Variants in VPS13B observed in about 807,000 individuals in gnomAD.
The protein encoded by VPS13B is vacuolar protein sorting 13 homolog B.
Under a neutral mutation model 426.4 loss-of-function variants are expected in VPS13B, and 285 were observed. That is an observed-to-expected ratio of 0.67 (90% CI 0.61 to 0.74). The LOEUF is 0.74. VPS13B is among the 30% of genes least tolerant of loss of function. The pLI, the probability that VPS13B is intolerant of heterozygous loss-of-function variation, is 0.00. For missense variants in VPS13B, 4,537 were observed against 4,782.6 expected (o/e 0.95, Z 1.51); for synonymous variants, 1,676 against 1,676.4 (o/e 1.00, Z 0.01).
rs1447883726 is a variant in VPS13B at position 99,081,909 on chromosome 8, C to G, written c.292-14403C>G. On this transcript the variant is annotated intron_variant, in intron 3 of 61. Coordinates refer to ENST00000357162, the MANE Select transcript of VPS13B (RefSeq NM_152564.5). The stretch of plus-strand genomic sequence containing the variant: ...CAAGTCTTTGCTGTTGTGAATAGTG[C>G]CTCAATAAACATACATGGGCATGTG... Among the ~76,000 whole-genome samples, 3 of 152,040 alleles carry G rather than the reference C, an allele frequency of 2.0e-5. No individual in the cohort carries two copies. In the East Asian group the frequency reaches 5.8e-4, roughly 29 times the overall value.
At chr8:99,450,763 C>A (rs1385851970) in intron 23 of VPS13B, among the ~76,000 whole-genome samples, 1 of 151,892 alleles carries the variant, frequency 6.6e-6, no homozygotes, top group Non-Finnish European at 1.5e-5. Flanking sequence ...GTCCTCATAA[C>A]CCCTGAGAAA....
At chr8:99,399,935 G>A (rs1357600356) in intron 21 of VPS13B, among the ~76,000 whole-genome samples, 3 of 152,090 alleles carry the variant, frequency 2.0e-5, no homozygotes, top group African/African-American at 7.2e-5. Flanking sequence ...TTTCTTGAGA[G>A]AGTAGCAATT....
intron 2 of VPS13B, among the ~76,000 whole-genome samples, chr8:99,019,204 A>AT (rs34569117): frequency 0.08 from 10,295 of 128,816 alleles, 658 homozygotes; most frequent in African/African-American, 0.17. Context: ...CATCTTAAAC[A>AT]TTTTTTTTTT....
intron 39 of VPS13B, among the ~76,000 whole-genome samples, chr8:99,742,241 C>G (rs1295685759): frequency 6.6e-6 from 1 of 152,156 alleles, no homozygotes; most frequent in African/African-American, 2.4e-5. Context: ...TGGATAAATT[C>G]CTCGACACAT....
At chr8:99,022,151 CT>C (rs1841929421) in intron 2 of VPS13B, among the ~76,000 whole-genome samples, 1 of 151,138 alleles carries the variant, frequency 6.6e-6, no homozygotes, top group Admixed American at 6.6e-5. Flanking sequence ...ATTTCTTTCA[CT>C]TTTTTTGGAT....
At chr8:99,614,087 C>G (rs181829686) in intron 33 of VPS13B, 4 of 152,266 alleles carry the variant, frequency 2.6e-5, no homozygotes, top group African/African-American at 4.8e-5. Flanking sequence ...CCTCTTAGTA[C>G]TTGTCTAGTT....
chr8:99,794,537 G>A (rs1026911330), intron 43 of VPS13B, among the ~76,000 whole-genome samples: 1 of 152,168 alleles, frequency 6.6e-6, no homozygotes, highest in Non-Finnish European at 1.5e-5. Flanking sequence ...CCCGTTGCTC[G>A]TGGCTTTGTG....
At chr8:99,296,841 A>G (rs1820067468) in intron 19 of VPS13B, among the ~76,000 whole-genome samples, 1 of 152,194 alleles carries the variant, frequency 6.6e-6, no homozygotes, top group Non-Finnish European at 1.5e-5. Flanking sequence ...ACTTCACCAG[A>G]TAGTAAACCT....
At chr8:99,817,828 A>T in intron 45 of VPS13B, 25 bp downstream of exon 45, 1 of 1,613,980 alleles carries the variant, frequency 6.2e-7, no homozygotes, top group Admixed American at 1.7e-5. Flanking sequence ...TCAATCTAGA[A>T]TAGAGCAGCT....
intron 35 of VPS13B, among the ~76,000 whole-genome samples, chr8:99,673,615 CTTTAT>C (rs1830806354): frequency 6.6e-6 from 1 of 151,686 alleles, no homozygotes; most frequent in Non-Finnish European, 1.5e-5. Context: ...CTGCTCTGAT[CTTTAT>C]TTTATTTCCC....
At chr8:99,073,754 T>C (rs2132341846) in intron 3 of VPS13B, among the ~76,000 whole-genome samples, 1 of 150,388 alleles carries the variant, frequency 6.6e-6, no homozygotes, top group South Asian at 2.1e-4. Context: ...TTCTTTCTTT[T>C]ATTTTTTGTT....
chr8:99,160,387 C>T (rs1005724894), intron 15 of VPS13B, among the ~76,000 whole-genome samples: 11 of 152,054 alleles, frequency 7.2e-5, no homozygotes, highest in East Asian at 1.9e-4. Flanking sequence ...GGCTGGGTAT[C>T]GTGGCTAACG....
Position 99,391,676 on chromosome 8 carries a change from C to A in VPS13B, c.3054C>A (p.Ser1018Arg). 6.2e-7 allele frequency: 1 copy of A among 1,614,044 alleles called. No individual in the cohort carries two copies. The highest frequency in any genetic ancestry group is 8.5e-7 in the Non-Finnish European group (1 of 1,179,930). Residue 1018 changes from serine to arginine, a missense_variant, in exon 21 of 62, where the codon AGC becomes AGA. By Grantham distance (110) the Ser-to-Arg change is moderately radical. Coordinates refer to ENST00000357162, the MANE Select transcript of VPS13B (RefSeq NM_152564.5). ...CATATCAGGCCTCTGAATATGCCAGCAGCCCTGTAAAAACAAAAACGGTAA... is the reference window on the plus strand; with the variant it reads ...CATATCAGGCCTCTGAATATGCCAGAAGCCCTGTAAAAACAAAAACGGTAA... ...QQSYQASEYA[S>R]SPVKTKTVTE...
At chr8:99,648,040 C>T (rs1212546896) in intron 34 of VPS13B, among the ~76,000 whole-genome samples, 1 of 152,176 alleles carries the variant, frequency 6.6e-6, no homozygotes, top group Admixed American at 6.5e-5. Context: ...ATCTTCCCTC[C>T]TGTCTTATAC....
intron 36 of VPS13B, among the ~76,000 whole-genome samples, chr8:99,712,543 T>A (rs143375887): frequency 1.3e-5 from 2 of 152,202 alleles, no homozygotes; most frequent in Non-Finnish European, 2.9e-5. Context: ...CCTGCCTTCA[T>A]TGCAGGGCCT....
chr8:99,300,566 A>G (rs1820304936), intron 19 of VPS13B, among the ~76,000 whole-genome samples: 1 of 152,176 alleles, frequency 6.6e-6, no homozygotes, highest in Admixed American at 6.5e-5. Flanking sequence ...TGTTTGGCTA[A>G]GAGTACAGGT....
At chr8:99,304,626 C>T (rs1820545253) in intron 19 of VPS13B, among the ~76,000 whole-genome samples, 2 of 152,076 alleles carry the variant, frequency 1.3e-5, no homozygotes, top group South Asian at 4.1e-4. Context: ...GCACATTAGA[C>T]CCAGCACTTC....
chr8:99,166,187 G>T (rs953889760), intron 15 of VPS13B, among the ~76,000 whole-genome samples: 13 of 152,154 alleles, frequency 8.5e-5, no homozygotes, highest in Admixed American at 8.5e-4. Context: ...CACTATGTTG[G>T]CCAGGCTGTT....
chr8:99,111,289 T>C lies in VPS13B; in HGVS notation c.762+10T>C. On this transcript the variant is annotated intron_variant, in intron 6 of 61. Transcript: ENST00000357162. ...GCCATCTGTTATTAAAGTAGGTATC[T>C]CTTTTTTTTGCAGTTAAGTTGCATG... 1 of 1,595,532 alleles carries C rather than the reference T, an allele frequency of 6.3e-7. No homozygotes were observed. Among genetic ancestry groups the C allele is most frequent in the Non-Finnish European group, 8.5e-7 (1 of 1,171,716 alleles).
Sources: allele counts gnomAD v4.1 joint callset (sites outside exome capture counted in the v4.1 genomes callset), GRCh38; gene constraint gnomAD v4.1.1; transcripts MANE v1.5; gene names NCBI Gene and HGNC (gene_info 2026-07-23, HGNC 2026-07-21).